The following MTUS2 variants were observed in gnomAD, a reference collection of about 807,000 sequenced individuals.
MTUS2 encodes the protein microtubule associated scaffold protein 2.
MTUS2 carries 40 observed loss-of-function variants against 114.1 expected under a neutral mutation model. That is an observed-to-expected ratio of 0.35 (90% CI 0.27 to 0.46). The LOEUF is 0.46. Among genes scored for constraint, MTUS2 ranks in the 20% least tolerant of loss-of-function variants. The probability of loss-of-function intolerance (pLI) is 1.00; values close to 1 mark genes in which losing one functional copy is unlikely to be tolerated. For missense variants in MTUS2, 1,679 were observed against 1,705.4 expected, an observed-to-expected ratio of 0.98 and a Z score of 0.27; for synonymous variants, 688 against 672.0, an observed-to-expected ratio of 1.02 and a Z score of -0.37.
At chr13:29,333,330 G>A (rs1289977949) in intron 7 of MTUS2, among the ~76,000 whole-genome samples, 2 of 151,938 alleles carry the variant, frequency 1.3e-5, no homozygotes, top group African/African-American at 4.8e-5. Flanking sequence ...CCCAAGTAGT[G>A]GGGATTATAG....
chr13:29,472,582 G>T (rs919913916), intron 9 of MTUS2, among the ~76,000 whole-genome samples: 1 of 152,124 alleles, frequency 6.6e-6, no homozygotes, highest in Admixed American at 6.5e-5. Context: ...TTTGTTACAA[G>T]GATCTGTGCC....
At chr13:29,054,101 G>T (rs1411465646) in intron 4 of MTUS2, among the ~76,000 whole-genome samples, 1 of 152,082 alleles carries the variant, frequency 6.6e-6, no homozygotes, top group Admixed American at 6.6e-5. Context: ...TTTAATATTA[G>T]CCAGTCCAGT....
intron 8 of MTUS2, among the ~76,000 whole-genome samples, chr13:29,432,617 C>G (rs1442194124): frequency 6.6e-6 from 1 of 152,178 alleles, no homozygotes; most frequent in Non-Finnish European, 1.5e-5. Flanking sequence ...CTTCTGGGCT[C>G]ATCTCCCATA....
At chr13:29,228,454 G>A (rs1196722331) in intron 5 of MTUS2, among the ~76,000 whole-genome samples, 2 of 152,070 alleles carry the variant, frequency 1.3e-5, no homozygotes, top group Non-Finnish European at 2.9e-5. Context: ...CTAAGTAGCT[G>A]GAACATCAGG....
At chr13:29,482,268 C>G (rs1030556940) in intron 10 of MTUS2, 1 of 152,236 alleles carries the variant, frequency 6.6e-6, no homozygotes, top group African/African-American at 2.4e-5. Flanking sequence ...CATCTCCACT[C>G]AGGGGCCAGG....
intron 3 of MTUS2, among the ~76,000 whole-genome samples, chr13:29,029,848 C>G (rs1307265656): frequency 6.6e-6 from 1 of 152,168 alleles, no homozygotes; most frequent in African/African-American, 2.4e-5. Context: ...TTGCTCATTA[C>G]CAAAAGGAGG....
At chr13:29,138,717 GATAA>G (rs144564736) in intron 5 of MTUS2, among the ~76,000 whole-genome samples, 22,222 of 151,186 alleles carry the variant, frequency 0.15, 1,811 homozygotes, top group Middle Eastern at 0.21. Context: ...TAAAATTTAT[GATAA>G]ATAAATTTTT....
intron 8 of MTUS2, among the ~76,000 whole-genome samples, chr13:29,389,221 G>A (rs926548383): frequency 5.5e-5 from 8 of 146,248 alleles, no homozygotes; most frequent in African/African-American, 2.1e-4. Context: ...TCAAATATAT[G>A]TATGTATATA....
chr13:29,315,671 G>A (rs1899958427), intron 6 of MTUS2, among the ~76,000 whole-genome samples: 1 of 152,102 alleles, frequency 6.6e-6, no homozygotes, highest in African/African-American at 2.4e-5. Context: ...TTCTGACCAT[G>A]GTAGTGTCTG....
rs56965083 is a variant in MTUS2, at chr13:29,200,521, G to GTTTTTTTTTTTTTTTTTTTT, written c.2645-81167_2645-81166insTTTTTTTTTTTTTTTTTTTT. Among the ~76,000 whole-genome samples, 126 of 85,394 alleles carry GTTTTTTTTTTTTTTTTTTTT rather than the reference G, an allele frequency of 1.5e-3. 5 individuals carry two copies. Among genetic ancestry groups the GTTTTTTTTTTTTTTTTTTTT allele is most frequent in the Non-Finnish European group, 2.1e-3 (101 of 47,690 alleles). The allele number at this position is 85,394 out of a possible 152,430, so 56.0% of individuals were successfully genotyped here. ...TGGTTTTGAGTGAGTTTCTTTTTCT[G>GTTTTTTTTTTTTTTTTTTTT]TTTTTTTTTTTTTTTTGAGATGGAG... is the stretch of plus-strand genomic sequence containing the variant. On this transcript the variant is annotated intron_variant, in intron 5 of 15. Coordinates refer to ENST00000612955, the MANE Select transcript of MTUS2 (RefSeq NM_001033602.4).
In MTUS2 at chr13:28,905,671, G is replaced by T. The variant is rs1220147281; in HGVS notation, c.-243+65821G>T. 4.5e-4 allele frequency among the ~76,000 whole-genome samples: 68 copies of T among 151,528 alleles called. 3 individuals are homozygous for T. Among genetic ancestry groups the T allele is most frequent in the African/African-American group, 1.6e-3 (66 of 41,022 alleles). ...TTCAGTTTGCCAGTATTTTATTGAG[G>T]ATTTTTGCATCAATGTTCATCAAGG... On this transcript the variant is annotated intron_variant, in intron 2 of 15. Coordinates refer to ENST00000612955, the MANE Select transcript of MTUS2 (RefSeq NM_001033602.4).
At chr13:29,270,321 C>G (rs577527860) in intron 5 of MTUS2, among the ~76,000 whole-genome samples, 10 of 152,096 alleles carry the variant, frequency 6.6e-5, no homozygotes, top group Admixed American at 2.6e-4. Context: ...TAAAGCACCC[C>G]CCTCAGGAGG....
At chr13:29,032,505 TAGTG>T (rs1886874545) in intron 3 of MTUS2, among the ~76,000 whole-genome samples, 1 of 152,180 alleles carries the variant, frequency 6.6e-6, no homozygotes, top group South Asian at 2.1e-4. Context: ...CAGAGATTGA[TAGTG>T]AGAGTAAGTA....
At chr13:28,863,174 A>G (rs1453404246) in intron 2 of MTUS2, among the ~76,000 whole-genome samples, 1 of 152,204 alleles carries the variant, frequency 6.6e-6, no homozygotes, top group East Asian at 1.9e-4. Flanking sequence ...AAGCTCATCA[A>G]ATTCAGGAAC....
chr13:29,484,408 C>A (rs1467892307), intron 10 of MTUS2, among the ~76,000 whole-genome samples: 1 of 152,248 alleles, frequency 6.6e-6, no homozygotes, highest in Non-Finnish European at 1.5e-5. Context: ...AGCACCAGAG[C>A]CTGCCATCAC....
At chr13:29,238,093 C>T (rs977623144) in intron 5 of MTUS2, among the ~76,000 whole-genome samples, 2 of 152,138 alleles carry the variant, frequency 1.3e-5, no homozygotes, top group African/African-American at 2.4e-5. Context: ...CTTGGTATGT[C>T]GAAGGGATCT....
chr13:28,946,306 C>T (rs1418983954), intron 2 of MTUS2, among the ~76,000 whole-genome samples: 1 of 150,188 alleles, frequency 6.7e-6, no homozygotes, highest in South Asian at 2.1e-4. Context: ...TGTGTGTGTG[C>T]GCGCGCACAT....
At chr13:29,086,422 T>A (rs1250648821) in intron 4 of MTUS2, among the ~76,000 whole-genome samples, 1 of 151,934 alleles carries the variant, frequency 6.6e-6, no homozygotes, top group Admixed American at 6.6e-5. Flanking sequence ...ATTTAAGTCT[T>A]CAAGATTGTA....
At chr13:29,029,077 C>G (rs1886695152) in intron 3 of MTUS2, among the ~76,000 whole-genome samples, 1 of 152,252 alleles carries the variant, frequency 6.6e-6, no homozygotes, top group South Asian at 2.1e-4. Context: ...GGTGCCCCAA[C>G]AAGCCGACCA....
Sources: allele counts gnomAD v4.1 joint callset (sites outside exome capture counted in the v4.1 genomes callset), GRCh38; gene constraint gnomAD v4.1.1; transcripts MANE v1.5; gene names NCBI Gene and HGNC (gene_info 2026-07-23, HGNC 2026-07-21).